Variants in RIN1 observed in about 807,000 individuals in gnomAD.
The protein encoded by RIN1 is ras inhibitor 1.
RIN1 carries 52 observed loss-of-function variants against 64.9 expected under a neutral mutation model. That is an observed-to-expected ratio of 0.80 (90% confidence interval 0.64 to 1.01). The LOEUF (loss-of-function observed/expected upper bound fraction) is 1.01. Ranked by LOEUF, RIN1 falls within the 50% of genes least tolerant of loss-of-function variation. The pLI is 0.00. For missense variants in RIN1, 1,040 were observed against 1,064.5 expected, an observed-to-expected ratio of 0.98 and a Z score of 0.32; for synonymous variants, 486 against 483.6, an observed-to-expected ratio of 1.00 and a Z score of -0.06.
rs886660865 is a variant in RIN1, at chr11:66,332,073, C to T, written c.*203G>A. On this transcript the variant is annotated 3_prime_UTR_variant, in exon 10 of 10. Transcript: ENST00000311320. Reference sequence around the variant, plus strand: ...CAAGAGGCAAGGGGCCTTGGGCACACAGTCTGGGGGCCCCCGAAGCCCCCT... The same window carrying T: ...CAAGAGGCAAGGGGCCTTGGGCACATAGTCTGGGGGCCCCCGAAGCCCCCT... The T allele has an allele frequency of 2.3e-5, 14 of 605,338 alleles. No individual in the cohort carries two copies. The highest frequency in any genetic ancestry group is 6.1e-5 in the South Asian group (3 of 48,852). The allele number at this position is 605,338 out of a possible 1,614,324, so 37.5% of individuals were successfully genotyped here.
rs1282637657 is a variant in RIN1, at chr11:66,336,334, C to T, written c.69G>A (p.Gly23=). ...TCACTAACTTTTCTCTCGCCAGGTGCCCAGTAGTGAAGCTGGACGGGCTGG... is the reference window on the plus strand; with the variant it reads ...TCACTAACTTTTCTCTCGCCAGGTGTCCAGTAGTGAAGCTGGACGGGCTGG... The part of the protein sequence containing the change: ...GAPSPSSFTT[G]HLAREKPAQD... Residue 23 remains glycine, a synonymous_variant, in exon 1 of 10, where the codon GGG becomes GGA. Transcript: ENST00000311320. 6.2e-7 allele frequency: 1 copy of T among 1,613,524 alleles called. No individual in the cohort carries two copies. Among genetic ancestry groups the T allele is most frequent in the Admixed American group, 1.7e-5 (1 of 59,956 alleles).
At chr11:66,334,258 C>T (rs774386888) in intron 6 of RIN1, 34 bp from the exon 7 acceptor site, 4 of 402,372 alleles carry the variant, frequency 9.9e-6, no homozygotes, top group Non-Finnish European at 1.1e-5. Context: ...CAGGGGAAGA[C>T]TGGGGGTATG....
intron 9 of RIN1, 55 bp from the exon 10 acceptor site, chr11:66,332,807 G>T (rs951903471): frequency 1.7e-5 from 22 of 1,309,690 alleles, no homozygotes; most frequent in Non-Finnish European, 2.1e-5. Flanking sequence ...CATGCATCTG[G>T]CTCCAAAGCT....
intron 3 of RIN1, 29 bp from the exon 4 acceptor site, chr11:66,335,711 T>C (rs771115683): frequency 1.2e-6 from 2 of 1,612,316 alleles, no homozygotes; most frequent in East Asian, 2.2e-5. Flanking sequence ...GAGGTGCTTC[T>C]CTGGGGAACC....
chr11:66,334,796 C>A lies in RIN1; in HGVS notation c.1003G>T (p.Ala335Ser). ...EGVPGSRGSP[A>S]TSPHLGRRRP... ...CGGCGGCCCAGGTGGGGTGAGGTCG[C>A]TGGGCTCCCCCGGGACCCTGGCACC... The change falls in exon 6 of 10, where the codon GCG becomes TCG. Residue 335 changes from alanine to serine, a missense_variant. Physicochemically the swap from Ala to Ser is moderately conservative, Grantham distance 99. Coordinates refer to ENST00000311320, the MANE Select transcript of RIN1 (RefSeq NM_004292.3). The A allele has an allele frequency of 6.5e-7, 1 of 1,547,752 alleles. No individual in the cohort carries two copies. Among genetic ancestry groups the A allele is most frequent in the Admixed American group, 2.0e-5 (1 of 51,108 alleles).
chr11:66,334,295 G>C, intron 6 of RIN1, 71 bp from the exon 7 acceptor site: 1 of 1,325,300 alleles, frequency 7.5e-7, no homozygotes, highest in Non-Finnish European at 1.0e-6. Context: ...GGAGAAGGGA[G>C]CAGGGGTAGA....
At position 66,335,099 on chromosome 11, in the gene RIN1, C is replaced by G; in HGVS notation, c.700G>C (p.Gly234Arg). 1 of 1,532,518 alleles carries G rather than the reference C, an allele frequency of 6.5e-7. No individual in the cohort carries two copies. Among genetic ancestry groups the G allele is most frequent in the Non-Finnish European group, 8.8e-7 (1 of 1,142,704 alleles). The allele number at this position is 1,532,518 out of a possible 1,614,324, so 94.9% of individuals were successfully genotyped here. The change falls in exon 6 of 10, where the codon GGG (glycine) becomes CGG (arginine). Residue 234 changes from glycine (G) to arginine (R), a missense_variant. Physicochemically the swap from Gly to Arg is moderately radical, Grantham distance 125. Coordinates refer to ENST00000311320, the MANE Select transcript of RIN1 (RefSeq NM_004292.3). ...TTGAATTTCTCCCGCTTGGTGGGCC[C>G]TAGGTCCCCCGGGAACAGGGGGTTG... ...FFNPLFPGDL[G>R]PTKREKFKRS...
In RIN1 at chr11:66,334,088, G is replaced by A. The variant is rs537529714; in HGVS notation, c.1422C>T (p.Ala474=). Residue 474 remains alanine, a synonymous_variant, in exon 7 of 10, where the codon GCC becomes GCT. Transcript: ENST00000311320. The part of the protein sequence containing the change: ...RLAEGLRLAR[A]QGPGAFGSHL... The stretch of plus-strand genomic sequence containing the variant: ...GGGACCCGAAGGCTCCGGGGCCCTG[G>A]GCCCGGGCCAGGCGGAGGCCCTCAG... The A allele has an allele frequency of 1.9e-6, 3 of 1,564,026 alleles. No individual in the cohort carries two copies. Among genetic ancestry groups the A allele is most frequent in the South Asian group, 2.3e-5 (2 of 85,272 alleles).
At chr11:66,333,201 G>C in intron 9 of RIN1, 57 bp downstream of exon 9, 2 of 1,582,974 alleles carry the variant, frequency 1.3e-6, no homozygotes, top group Non-Finnish European at 1.7e-6. Flanking sequence ...CCAAGGACAG[G>C]AAGGTGAAAG....
At chr11:66,336,471 T>A, upstream of RIN1, 1 of 1,371,702 alleles carries the variant, frequency 7.3e-7, no homozygotes, top group Non-Finnish European at 1.0e-6. Flanking sequence ...CCCCAGTGAG[T>A]AACACTTCCT....
In RIN1 at chr11:66,335,105, C is replaced by A. The variant is rs755417264; in HGVS notation, c.694G>T (p.Asp232Tyr). ...TTCTCCCGCTTGGTGGGCCCTAGGTCCCCCGGGAACAGGGGGTTGAAGAAG... is the reference window on the plus strand; with the variant it reads ...TTCTCCCGCTTGGTGGGCCCTAGGTACCCCGGGAACAGGGGGTTGAAGAAG... Reference protein sequence around the residue: ...LCFFNPLFPGDLGPTKREKFK... With the variant: ...LCFFNPLFPGYLGPTKREKFK... The change falls in exon 6 of 10, where the codon GAC (aspartate) becomes TAC (tyrosine). Residue 232 changes from aspartate to tyrosine, a missense_variant. Transcript: ENST00000311320. 1 of 1,532,974 alleles carries A rather than the reference C, an allele frequency of 6.5e-7. No individual in the cohort carries two copies. The highest frequency in any genetic ancestry group is 2.2e-5 in the Admixed American group (1 of 45,292). 95.0% of individuals were successfully genotyped at this position (1,532,974 alleles called of 1,614,324 possible). A position where few individuals can be genotyped will look rare whatever the true frequency, so the allele number is the denominator to read the frequency against.
In RIN1 at chr11:66,333,653, C is replaced by T. The variant is rs767003402; in HGVS notation, c.1597G>A (p.Gly533Ser). 1 of 1,611,526 alleles carries T rather than the reference C, an allele frequency of 6.2e-7. No homozygotes were observed. Among genetic ancestry groups the T allele is most frequent in the Non-Finnish European group, 8.5e-7 (1 of 1,179,036 alleles). The change falls in exon 8 of 10, where the codon GGC becomes AGC. Residue 533 changes from glycine (G) to serine (S), a missense_variant. Gly to Ser is a moderately conservative substitution (Grantham distance 56, BLOSUM62 0). Transcript: ENST00000311320. Reference protein sequence around the residue: ...YMALRTQEGEGAGADEFLPLL... With the variant: ...YMALRTQEGESAGADEFLPLL... ...GGCAGGAACTCGTCGGCACCCGCGC[C>T]CTCCCCTGTGGGGACATGGTGAGAG...
In RIN1 at chr11:66,335,491, G is replaced by C; in HGVS notation, c.463C>G (p.Leu155Val). The change falls in exon 5 of 10, where the codon CTT (leucine) becomes GTT (valine). Residue 155 changes from leucine to valine, a missense_variant. By Grantham distance (32) the Leu-to-Val change is conservative (BLOSUM62 1). Transcript: ENST00000311320. ...ICAYCHTRDI[L>V]LLPLQLPRAI... The stretch of plus-strand genomic sequence containing the variant: ...CTGGGGAGCTGCAGCGGGAGGAGAA[G>C]GATGTCCCTGAGGCCAGAGAGGGGA... The C allele has an allele frequency of 6.2e-7, 1 of 1,613,716 alleles. No homozygotes were observed. The highest frequency in any genetic ancestry group is 8.5e-7 in the Non-Finnish European group (1 of 1,179,734).
rs1854832560 is a variant in RIN1, at chr11:66,334,726, A to G, written c.1073T>C (p.Leu358Pro). The change falls in exon 6 of 10, where the codon CTG (leucine) becomes CCG (proline). Residue 358 changes from leucine to proline, a missense_variant. Coordinates refer to ENST00000311320, the MANE Select transcript of RIN1 (RefSeq NM_004292.3). ...CCGGCCCACCTGCCGCTCCGGTGCC[A>G]GTAGGGAGCAGAAGGCGGCGCTCAT... ...RSMSAAFCSL[L>P]APERQVGRAA... 1.9e-6 allele frequency: 3 copies of G among 1,549,280 alleles called. No individual in the cohort carries two copies. Among genetic ancestry groups the G allele is most frequent in the Admixed American group, 3.9e-5 (2 of 51,158 alleles).
At position 66,332,549 on chromosome 11, in the gene RIN1, C is replaced by T. The variant is rs1221344613; in HGVS notation, c.2079G>A (p.Leu693=). The T allele has an allele frequency of 1.2e-6, 2 of 1,613,014 alleles. No homozygotes were observed. The highest frequency in any genetic ancestry group is 2.2e-5 in the East Asian group (1 of 44,872). The change falls in exon 10 of 10, where the codon CTG becomes CTA. Residue 693 remains leucine, a synonymous_variant. Transcript: ENST00000311320. ...RLPPGALAHR[L]PTTGYLVYRR... is the part of the protein sequence containing the mutation. The stretch of plus-strand genomic sequence containing the variant: ...GGTAGACGAGGTAGCCAGTGGTGGG[C>T]AGCCTGTGGGCCAGGGCCCCAGGGG...
Position 66,332,530 on chromosome 11 carries a change from C to G in RIN1, c.2098G>C (p.Val700Leu), listed in dbSNP as rs11227461. ...AHRLPTTGYL[V>L]YRRAEWPETQ... ...TCAGGCCACTCCGCCCGGCGGTAGA[C>G]GAGGTAGCCAGTGGTGGGCAGCCTG... Residue 700 changes from valine to leucine, a missense_variant, in exon 10 of 10, where the codon GTC becomes CTC. Physicochemically the swap from Val to Leu is conservative, Grantham distance 32. Transcript: ENST00000311320. 10 of 1,613,480 alleles carry G rather than the reference C, an allele frequency of 6.2e-6. No individual in the cohort carries two copies. The highest frequency in any genetic ancestry group is 8.5e-6 in the Non-Finnish European group (10 of 1,179,672).
Position 66,335,836 on chromosome 11 carries a change from G to A in RIN1, c.308C>T (p.Ala103Val). 1 of 1,599,022 alleles carries A rather than the reference G, an allele frequency of 6.3e-7. No individual in the cohort carries two copies. Among genetic ancestry groups the A allele is most frequent in the African/African-American group, 1.3e-5 (1 of 74,720 alleles). ...GGCTTCAGGCAACCGCATGCACAGG[G>A]CCTGGCACTGGCGGGTGTTAGATTT... ...VRKSNTRQCQ[A>V]LCMRLPEASG... Residue 103 changes from alanine (A) to valine (V), a missense_variant, in exon 3 of 10, where the codon GCC becomes GTC. By Grantham distance (64) the Ala-to-Val change is moderately conservative. Coordinates refer to ENST00000311320, the MANE Select transcript of RIN1 (RefSeq NM_004292.3).
rs1192204849 is a variant in RIN1 at position 66,335,894 on chromosome 11, T to C, written c.268-18A>G. ...AGGAACGTCTGCAAGTGGATAGGGC[T>C]CAGGCAGCTCAGGACCTTGGCGTCC... On this transcript the variant is annotated intron_variant, in intron 2 of 9. Transcript: ENST00000311320. 2 of 1,540,208 alleles carry C rather than the reference T, an allele frequency of 1.3e-6. No individual in the cohort carries two copies. The highest frequency in any genetic ancestry group is 2.7e-5 in the African/African-American group (2 of 72,956).
rs756305858 is a variant in RIN1 at position 66,334,662 on chromosome 11, C to T, written c.1137G>A (p.Ala379=). ...TCAGTAGGTCCTGCACCAGCTGGCC[C>T]GCGGCTGTGTGTCGGTCCTGCATCA... The part of the protein sequence containing the change: ...AALMQDRHTA[A]GQLVQDLLTQ... Residue 379 remains alanine, a synonymous_variant, in exon 6 of 10, where the codon GCG becomes GCA. Transcript: ENST00000311320. 1.0e-5 allele frequency: 16 copies of T among 1,560,124 alleles called. No individual in the cohort carries two copies. The highest frequency in any genetic ancestry group is 4.1e-5 in the African/African-American group (3 of 73,738).
Sources: allele counts gnomAD v4.1 joint callset, GRCh38; gene constraint gnomAD v4.1.1; transcripts MANE v1.5; gene names NCBI Gene and HGNC (gene_info 2026-07-23, HGNC 2026-07-21).